SLC22A11: variants seen among roughly 807,000 people sequenced by gnomAD.
SLC22A11 encodes the protein solute carrier family 22 member 11.
In SLC22A11, 42 loss-of-function variants were observed where a neutral mutation model predicts 49.4. The ratio of observed to expected loss-of-function variants is 0.85; its 90% confidence interval spans 0.66 to 1.10. The LOEUF is 1.10. SLC22A11 is among the 50% of genes least tolerant of loss of function. The pLI is 0.00. For synonymous variants in SLC22A11, 304 were observed against 315.8 expected (o/e 0.96, Z 0.40); for missense variants, 685 against 731.6 (o/e 0.94, Z 0.74).
rs780181907 is a variant in SLC22A11, at chr11:64,568,777, C to T, written c.1381C>T (p.Arg461Trp). ...GGCTGAACTCTTTCCAACGCCAGTG[C>T]GGTAAGCTGGGCTGCAGGCCATGCC... The part of the protein sequence containing the change: ...YKAELFPTPV[R>W]MTADGILHTV... Residue 461 changes from arginine to tryptophan, a missense_variant and splice_region_variant, in exon 8 of 10, where the codon CGG (arginine) becomes TGG (tryptophan). Arg to Trp is a moderately radical substitution (Grantham distance 101, BLOSUM62 -3). Coordinates refer to ENST00000301891, the MANE Select transcript of SLC22A11 (RefSeq NM_018484.4). 7.4e-6 allele frequency: 12 copies of T among 1,613,304 alleles called. No individual in the cohort carries two copies. Among genetic ancestry groups the T allele is most frequent in the South Asian group, 5.5e-5 (5 of 91,076 alleles).
At chr11:64,561,453 T>A (rs1334817729) in intron 2 of SLC22A11, among the ~76,000 whole-genome samples, 1 of 152,082 alleles carries the variant, frequency 6.6e-6, no homozygotes, top group African/African-American at 2.4e-5. Context: ...GTGTTCTTTT[T>A]TATTTATTTA....
chr11:64,559,958 T>A (rs2135420680), intron 2 of SLC22A11, among the ~76,000 whole-genome samples: 1 of 152,124 alleles, frequency 6.6e-6, no homozygotes, highest in South Asian at 2.1e-4. Context: ...ACATCCTCAC[T>A]CCTGGTTTTC....
At chr11:64,568,118 A>G (rs549930131) in intron 7 of SLC22A11, among the ~76,000 whole-genome samples, 2 of 152,352 alleles carry the variant, frequency 1.3e-5, no homozygotes, top group East Asian at 3.9e-4. Flanking sequence ...GGGGCCCTGC[A>G]GGCTGCAGCG....
At position 64,567,616 on chromosome 11, in the gene SLC22A11, C is replaced by T. The variant is rs1196278072; in HGVS notation, c.1076C>T (p.Ser359Phe). 1.2e-6 allele frequency: 2 copies of T among 1,614,082 alleles called. No individual in the cohort carries two copies. The highest frequency in any genetic ancestry group is 2.2e-5 in the East Asian group (1 of 44,880). The change falls in exon 7 of 10, where the codon TCC (serine) becomes TTC (phenylalanine). Residue 359 changes from serine to phenylalanine, a missense_variant. Transcript: ENST00000301891. ...MLVVNFSLLI[S>F]YYGLVFDLQS... ...GCCCGCAGTTTCTCTCTATTGATCTCCTACTATGGGCTGGTCTTCGACCTG... is the reference window on the plus strand; with the variant it reads ...GCCCGCAGTTTCTCTCTATTGATCTTCTACTATGGGCTGGTCTTCGACCTG...
chr11:64,569,771 C>CCA lies in SLC22A11; in HGVS notation c.1503_1504dup (p.Ile502ThrfsTer60), dbSNP rs1195374077. ...CCTCCTCTCCTCTATGGCGTTATCTCCATTGCTTCCAGCCTGGTTGTGCTG... is the reference window on the plus strand; with the variant it reads ...CCTCCTCTCCTCTATGGCGTTATCTCCACATTGCTTCCAGCCTGGTTGTGCTG... On this transcript the variant is annotated frameshift_variant, in exon 9 of 10. Transcript: ENST00000301891. LOFTEE classifies it high-confidence loss of function. 2 of 1,614,048 alleles carry CCA rather than the reference C, an allele frequency of 1.2e-6. No homozygotes were observed. The highest frequency in any genetic ancestry group is 1.7e-6 in the Non-Finnish European group (2 of 1,180,044).
At chr11:64,569,248 A>G (rs889737544) in intron 8 of SLC22A11, among the ~76,000 whole-genome samples, 1 of 152,194 alleles carries the variant, frequency 6.6e-6, no homozygotes, top group African/African-American at 2.4e-5. Context: ...GGCTCAGCAG[A>G]AGGGTAGGAC....
intron 8 of SLC22A11, 56 bp from the exon 9 acceptor site, chr11:64,569,596 C>A: frequency 6.4e-7 from 1 of 1,556,560 alleles, no homozygotes; most frequent in Non-Finnish European, 8.8e-7. Flanking sequence ...CCCAGGATGT[C>A]TTCCTGCCAC....
In SLC22A11 at chr11:64,565,974, G is replaced by A. The variant is rs1360140668; in HGVS notation, c.1058+637G>A. 4.4e-5 allele frequency: 8 copies of A among 183,458 alleles called. No homozygotes were observed. Among genetic ancestry groups the A allele is most frequent in the South Asian group, 2.4e-4 (2 of 8,320 alleles). 11.4% of individuals were successfully genotyped at this position (183,458 alleles called of 1,614,324 possible). A position where few individuals can be genotyped will look rare whatever the true frequency, so the allele number is the denominator to read the frequency against. On this transcript the variant is annotated intron_variant, in intron 6 of 9. Transcript: ENST00000301891. This position sits in a 1 kb window ranked among gnomAD's most constrained non-coding sequence, Gnocchi z 4.1. Reference sequence around the variant, plus strand: ...AGGCCCTTAAAACAAATTCAGTTCCGGTGACATCCAAAAGAGCATATTAAA... The same window carrying A: ...AGGCCCTTAAAACAAATTCAGTTCCAGTGACATCCAAAAGAGCATATTAAA...
At chr11:64,560,247 A>G (rs1591372917) in intron 2 of SLC22A11, among the ~76,000 whole-genome samples, 1 of 151,276 alleles carries the variant, frequency 6.6e-6, no homozygotes, top group African/African-American at 2.4e-5. Flanking sequence ...CTGAGCCACC[A>G]TCTCCTCTCA....
At position 64,571,870 on chromosome 11, in the gene SLC22A11, G is replaced by A. The variant is rs943376214; in HGVS notation, c.*828G>A. On this transcript the variant is annotated 3_prime_UTR_variant, in exon 10 of 10. Transcript: ENST00000301891. ...GAGCGAGCAGCCAGGGCTGCAGGAAGGCAGCTTTGGAGCACAAAGGGGGTG... is the reference window on the plus strand; with the variant it reads ...GAGCGAGCAGCCAGGGCTGCAGGAAAGCAGCTTTGGAGCACAAAGGGGGTG... The A allele has an allele frequency of 1.3e-5, 2 of 152,352 alleles. No homozygotes were observed. Among genetic ancestry groups the A allele is most frequent in the African/African-American group, 4.8e-5 (2 of 41,484 alleles). 9.4% of individuals were successfully genotyped at this position (152,352 alleles called of 1,614,324 possible). A position where few individuals can be genotyped will look rare whatever the true frequency, so the allele number is the denominator to read the frequency against.
At chr11:64,556,843 G>A (rs1341430448) in intron 1 of SLC22A11, among the ~76,000 whole-genome samples, 1 of 152,012 alleles carries the variant, frequency 6.6e-6, no homozygotes, top group Non-Finnish European at 1.5e-5. Context: ...GGCAGAGGGG[G>A]GTTCTTGCTA....
intron 9 of SLC22A11, 103 bp from the exon 10 acceptor site, chr11:64,570,876 C>T: frequency 9.2e-7 from 1 of 1,087,228 alleles, no homozygotes; most frequent in Non-Finnish European, 1.4e-6. Context: ...AGCCTAATGC[C>T]ATAGAGTTTA....
At position 64,564,332 on chromosome 11, in the gene SLC22A11, G is replaced by T; in HGVS notation, c.846G>T (p.Trp282Cys). 1 of 1,614,094 alleles carries T rather than the reference G, an allele frequency of 6.2e-7. No homozygotes were observed. Among genetic ancestry groups the T allele is most frequent in the East Asian group, 2.2e-5 (1 of 44,866 alleles). The change falls in exon 5 of 10, where the codon TGG becomes TGT. Residue 282 changes from tryptophan to cysteine, a missense_variant. Trp to Cys is a radical substitution (Grantham distance 215, BLOSUM62 -2). Coordinates refer to ENST00000301891, the MANE Select transcript of SLC22A11 (RefSeq NM_018484.4). This position sits in a 1 kb window ranked among gnomAD's most constrained non-coding sequence, Gnocchi z 4.2. ...GGTGGCTGCCAGAATCCGCCCGGTG[G>T]CTGATTATTAAGGGCAAACCAGACC... is the stretch of plus-strand genomic sequence containing the variant. ...ISWWLPESAR[W>C]LIIKGKPDQA...
At chr11:64,569,577 A>G (rs1315777568) in intron 8 of SLC22A11, 75 bp from the exon 9 acceptor site, 2 of 1,468,194 alleles carry the variant, frequency 1.4e-6, no homozygotes, top group African/African-American at 2.8e-5. Context: ...TTCCCCTGGC[A>G]TCTGTGAGCC....
chr11:64,557,597 G>A (rs693591), intron 1 of SLC22A11, among the ~76,000 whole-genome samples: 1 of 150,786 alleles, frequency 6.6e-6, no homozygotes, highest in South Asian at 2.1e-4. Context: ...CAGGTGCGGG[G>A]ACATGCTCTG....
chr11:64,560,653 C>G (rs1046479183), intron 2 of SLC22A11, among the ~76,000 whole-genome samples: 25 of 152,246 alleles, frequency 1.6e-4, no homozygotes, highest in African/African-American at 6.0e-4. Flanking sequence ...CCCAGCCCCT[C>G]CTTGCTTCCC....
In SLC22A11 at chr11:64,562,443, T is replaced by C. The variant is rs1264615093; in HGVS notation, c.821+8T>C. 3 of 1,552,982 alleles carry C rather than the reference T, an allele frequency of 1.9e-6. No individual in the cohort carries two copies. Among genetic ancestry groups the C allele is most frequent in the Non-Finnish European group, 2.6e-6 (3 of 1,149,304 alleles). On this transcript the variant is annotated splice_region_variant and intron_variant, in intron 4 of 9. Transcript: ENST00000301891. The surrounding 1 kb of genome is among the most constrained non-coding windows in gnomAD (Gnocchi z 4.4). The stretch of plus-strand genomic sequence containing the variant: ...CATCTCCCTGATATCCTGGTCAGTA[T>C]GATGTGGGACCTTTTCCTTAGGAGA...
At chr11:64,570,915 G>A in intron 9 of SLC22A11, 64 bp from the exon 10 acceptor site, 1 of 1,547,634 alleles carries the variant, frequency 6.5e-7, no homozygotes, top group Non-Finnish European at 8.9e-7. Flanking sequence ...CCGCCATTTT[G>A]CCCCAAGCTC....
At chr11:64,569,563 T>C in intron 8 of SLC22A11, 89 bp from the exon 9 acceptor site, 1 of 1,391,994 alleles carries the variant, frequency 7.2e-7, no homozygotes, top group South Asian at 1.3e-5. Context: ...CAGCCCAGCT[T>C]TCCTTCCCCT....
Sources: gnomAD v4.1 joint callset for allele counts (sites outside exome capture counted in the v4.1 genomes callset) on GRCh38, gnomAD v4.1.1 for gene constraint, Gnocchi (gnomAD v3.1) non-coding constraint, MANE v1.5 for transcripts, NCBI Gene and HGNC (gene_info 2026-07-23, HGNC 2026-07-21) for gene names.